Variants in C8orf34 observed in about 807,000 individuals in gnomAD.
C8orf34 encodes the protein uncharacterized protein C8orf34.
In C8orf34, 65 loss-of-function variants were observed where a neutral mutation model predicts 68.3. The ratio of observed to expected loss-of-function variants is 0.95; its 90% CI spans 0.78 to 1.17. The LOEUF (loss-of-function observed/expected upper bound fraction) is 1.17, where lower values mean the gene tolerates loss of function less well. Ranked by LOEUF, C8orf34 falls within the 50% of genes most tolerant of loss-of-function variation. C8orf34 has a pLI of 0.00. For synonymous variants in C8orf34, 244 were observed against 241.2 expected (o/e 1.01, Z -0.11); for missense variants, 664 against 655.4 (o/e 1.01, Z -0.14).
At chr8:68,597,120 C>A (rs1817567392) in intron 7 of C8orf34, among the ~76,000 whole-genome samples, 2 of 152,186 alleles carry the variant, frequency 1.3e-5, no homozygotes, top group South Asian at 4.2e-4. Context: ...TTCAAAGCCA[C>A]ACTTCACATG....
chr8:68,494,451 G>A (rs868505055), intron 5 of C8orf34, among the ~76,000 whole-genome samples: 3 of 152,164 alleles, frequency 2.0e-5, no homozygotes, highest in Admixed American at 6.5e-5. Flanking sequence ...ACATTGGTTC[G>A]CACAGAGATT....
intron 3 of C8orf34, among the ~76,000 whole-genome samples, chr8:68,455,933 T>C (rs1342239636): frequency 1.3e-5 from 2 of 151,438 alleles, no homozygotes; most frequent in Non-Finnish European, 2.9e-5. Context: ...AAAAAAACAG[T>C]TATCAATTCA....
intron 1 of C8orf34, among the ~76,000 whole-genome samples, chr8:68,372,552 C>A (rs972381005): frequency 1.3e-5 from 2 of 152,054 alleles, no homozygotes; most frequent in African/African-American, 2.4e-5. Flanking sequence ...GGGAGTAAGT[C>A]CCTCCTCTCC....
chr8:68,558,483 TC>T (rs1349184208), intron 7 of C8orf34, among the ~76,000 whole-genome samples: 1 of 152,062 alleles, frequency 6.6e-6, no homozygotes, highest in Non-Finnish European at 1.5e-5. Context: ...CTATATAGTT[TC>T]TTTTTTTTCT....
At position 68,344,694 on chromosome 8, in the gene C8orf34, A is replaced by G. The variant is rs555816405; in HGVS notation, c.327+13355A>G. ...CTTTCAAGAAAGTAGACAGGGTTGC[A>G]TAATAGAAAGAATAGAGCAAATTAG... On this transcript the variant is annotated intron_variant, in intron 1 of 13. Transcript: ENST00000518698. Among the ~76,000 whole-genome samples, 114 of 152,310 alleles carry G rather than the reference A, an allele frequency of 7.5e-4. 1 individual carries two copies. The South Asian group carries it at 0.023, about 31-fold the overall frequency.
At chr8:68,422,999 G>A (rs2676632) in intron 1 of C8orf34, among the ~76,000 whole-genome samples, 17,548 of 152,214 alleles carry the variant, frequency 0.12, 1,147 homozygotes, top group African/African-American at 0.15. Context: ...ATGTCCTGAG[G>A]CAGCACAGAG....
intron 1 of C8orf34, among the ~76,000 whole-genome samples, chr8:68,412,940 G>T (rs555766421): frequency 1.3e-5 from 2 of 152,284 alleles, no homozygotes; most frequent in African/African-American, 4.8e-5. Flanking sequence ...TCTGTGGTCA[G>T]TGACCAGTCA....
chr8:68,414,471 T>G (rs1341269738), intron 1 of C8orf34, among the ~76,000 whole-genome samples: 1 of 152,194 alleles, frequency 6.6e-6, no homozygotes, highest in African/African-American at 2.4e-5. Context: ...AATGCCATGA[T>G]AGGAGGAAAT....
chr8:68,495,061 T>TC (rs1309775093), intron 5 of C8orf34, among the ~76,000 whole-genome samples: 4 of 151,578 alleles, frequency 2.6e-5, no homozygotes, highest in Non-Finnish European at 4.4e-5. Flanking sequence ...TTAGAACAAT[T>TC]CCCCCGGAGG....
At chr8:68,648,403 C>A (rs1347277499) in intron 8 of C8orf34, among the ~76,000 whole-genome samples, 1 of 152,082 alleles carries the variant, frequency 6.6e-6, no homozygotes, top group South Asian at 2.1e-4. Flanking sequence ...AGTTAAGATA[C>A]CAATAACTGG....
rs114179900 is a variant in C8orf34 at position 68,477,223 on chromosome 8, A to T, written c.736+8403A>T. Among the ~76,000 whole-genome samples, 1,288 of 152,344 alleles carry T rather than the reference A, an allele frequency of 8.5e-3. 20 individuals are homozygous for T. The highest frequency in any genetic ancestry group is 0.03 in the African/African-American group (1,249 of 41,592). ...GGGAATGAAGCTAGAAGTCTGGGTT[A>T]CAGAGAAGTCAGGAATCAGGGGTAG... is the stretch of plus-strand genomic sequence containing the variant. On this transcript the variant is annotated intron_variant, in intron 4 of 13. Transcript: ENST00000518698.
At chr8:68,425,946 T>C (rs1040853523) in intron 1 of C8orf34, among the ~76,000 whole-genome samples, 1 of 152,174 alleles carries the variant, frequency 6.6e-6, no homozygotes, top group Non-Finnish European at 1.5e-5. Flanking sequence ...GCATAAATGA[T>C]ACTGGATAAA....
At chr8:68,696,095 G>T (rs566403268) in intron 8 of C8orf34, among the ~76,000 whole-genome samples, 1 of 151,802 alleles carries the variant, frequency 6.6e-6, no homozygotes, top group South Asian at 2.1e-4. Context: ...GATCCCAAGA[G>T]GTCAGGACTT....
At chr8:68,748,951 G>A (rs1285812373) in intron 10 of C8orf34, among the ~76,000 whole-genome samples, 16 of 152,054 alleles carry the variant, frequency 1.1e-4, no homozygotes, top group South Asian at 2.1e-4. Context: ...TGTTTATTGC[G>A]GCATTATTCA....
chr8:68,524,437 T>G (rs932720164), intron 6 of C8orf34, among the ~76,000 whole-genome samples: 3 of 152,220 alleles, frequency 2.0e-5, no homozygotes, highest in Non-Finnish European at 2.9e-5. Context: ...GTGAGGGTGA[T>G]AAATGGAAAC....
At position 68,709,976 on chromosome 8, in the gene C8orf34, T is replaced by C. The variant is rs139462508; in HGVS notation, c.1327+897T>C. ...TATAGGAAAGTATTTTTCTTACACC[T>C]GGATTGAGAAGGACATCTTCAACAG... On this transcript the variant is annotated intron_variant, in intron 9 of 13. Transcript: ENST00000518698. Among the ~76,000 whole-genome samples, 285 of 152,142 alleles carry C rather than the reference T, an allele frequency of 1.9e-3. 2 individuals carry two copies. Among genetic ancestry groups the C allele is most frequent in the Non-Finnish European group, 3.5e-3 (239 of 68,012 alleles).
chr8:68,420,624 G>T (rs1330065001), intron 1 of C8orf34, among the ~76,000 whole-genome samples: 2 of 152,050 alleles, frequency 1.3e-5, no homozygotes, highest in Non-Finnish European at 2.9e-5. Flanking sequence ...GGACAGTCTA[G>T]GGATATAAGA....
intron 1 of C8orf34, among the ~76,000 whole-genome samples, chr8:68,375,132 T>C (rs1422683668): frequency 7.9e-5 from 12 of 152,230 alleles, no homozygotes; most frequent in Non-Finnish European, 1.8e-4. Context: ...ACTAGCTCAA[T>C]TTTATGCCCT....
chr8:68,369,418 G>A (rs180942022), intron 1 of C8orf34, among the ~76,000 whole-genome samples: 22 of 152,276 alleles, frequency 1.4e-4, no homozygotes, highest in South Asian at 8.3e-4. Flanking sequence ...ATGCCATGCC[G>A]GACTAGGTCT....
Sources: allele counts gnomAD v4.1 joint callset (sites outside exome capture counted in the v4.1 genomes callset), GRCh38; gene constraint gnomAD v4.1.1; transcripts MANE v1.5; gene names NCBI Gene and HGNC (gene_info 2026-07-23, HGNC 2026-07-21).